The following SPTBN2 variants were observed in gnomAD, a reference collection of about 807,000 sequenced individuals.
SPTBN2 encodes the protein spectrin beta, non-erythrocytic 2.
In SPTBN2, 107 loss-of-function variants were observed where a neutral mutation model predicts 284.2. The observed-to-expected ratio is 0.38, with a 90% CI of 0.32 to 0.44. SPTBN2 has a LOEUF of 0.44. Among genes scored for constraint, SPTBN2 ranks in the 20% least tolerant of loss-of-function variants. The pLI is 1.00. For missense variants in SPTBN2, 2,569 were observed against 3,287.1 expected, an observed-to-expected ratio of 0.78 and a Z score of 5.34; for synonymous variants, 1,289 against 1,354.8, an observed-to-expected ratio of 0.95 and a Z score of 1.07.
In SPTBN2 at chr11:66,707,495, C is replaced by G; in HGVS notation, c.1653+21G>C. ...TCGACTCTTGATCACTCTTACCCCACCCAGCACGCCTCACTGGTACCTTCA... is the reference window on the plus strand; with the variant it reads ...TCGACTCTTGATCACTCTTACCCCAGCCAGCACGCCTCACTGGTACCTTCA... On this transcript the variant is annotated intron_variant, in intron 13 of 37. Transcript: ENST00000533211. The surrounding 1 kb of genome is among the most constrained non-coding windows in gnomAD (Gnocchi z 4.9). 1 of 1,582,300 alleles carries G rather than the reference C, an allele frequency of 6.3e-7. No homozygotes were observed. Among genetic ancestry groups the G allele is most frequent in the Non-Finnish European group, 8.6e-7 (1 of 1,164,604 alleles).
chr11:66,736,408 A>G (rs1054561485), intron 1 of SPTBN2, among the ~76,000 whole-genome samples: 1 of 152,182 alleles, frequency 6.6e-6, no homozygotes, highest in African/African-American at 2.4e-5. Context: ...TTAACTTGCA[A>G]ACCTAAATGC....
At position 66,715,209 on chromosome 11, in the gene SPTBN2, T is replaced by C; in HGVS notation, c.483+13A>G. 1 of 1,614,158 alleles carries C rather than the reference T, an allele frequency of 6.2e-7. No individual in the cohort carries two copies. The highest frequency in any genetic ancestry group is 1.1e-5 in the South Asian group (1 of 91,082). ...GCAGGAACCACACCCTGTGTGACAG[T>C]GTGCTGGGGTACCTGGAATCGAAGG... On this transcript the variant is annotated intron_variant, in intron 5 of 37. Transcript: ENST00000533211. This position sits in a 1 kb window ranked among gnomAD's most constrained non-coding sequence, Gnocchi z 5.3.
chr11:66,715,908 C>A lies in SPTBN2; in HGVS notation c.231G>T (p.Arg77=), dbSNP rs1169314235. The change falls in exon 4 of 38, where the codon CGG becomes CGT. Residue 77 remains arginine (R), a synonymous_variant. Transcript: ENST00000533211. This position sits in a 1 kb window ranked among gnomAD's most constrained non-coding sequence, Gnocchi z 5.3. ...GGAGGTCGCTGTACAGGTCCCCCAC[C>A]CGGCACGTGACCCGGGCCAGGTGCG... ...VNSHLARVTC[R]VGDLYSDLRD... 17 of 1,614,132 alleles carry A rather than the reference C, an allele frequency of 1.1e-5. No individual in the cohort carries two copies. The highest frequency in any genetic ancestry group is 1.4e-5 in the Non-Finnish European group (16 of 1,180,020).
rs1404469417 is a variant in SPTBN2 at position 66,688,856 on chromosome 11, G to A, written c.6035-7C>T. ...AACACAAGCACCTCCAAAACTGGCA[G>A]GATCGGGGGTTGCAGGAAGATGGTG... On this transcript the variant is annotated splice_region_variant and splice_polypyrimidine_tract_variant and intron_variant, in intron 30 of 37. Coordinates refer to ENST00000533211, the MANE Select transcript of SPTBN2 (RefSeq NM_006946.4). The A allele has an allele frequency of 1.2e-6, 2 of 1,611,172 alleles. No homozygotes were observed. Among genetic ancestry groups the A allele is most frequent in the Non-Finnish European group, 1.7e-6 (2 of 1,180,008 alleles).
intron 30 of SPTBN2, 54 bp downstream of exon 30, chr11:66,689,042 G>A: frequency 6.4e-7 from 1 of 1,555,964 alleles, no homozygotes; most frequent in Middle Eastern, 1.7e-4. Flanking sequence ...GAACCCACAG[G>A]GTGCAGGATG....
rs193281867 is a variant in SPTBN2, at chr11:66,725,612, G to T, written c.-114+3129C>A. Among the ~76,000 whole-genome samples, 39 of 152,290 alleles carry T rather than the reference G, an allele frequency of 2.6e-4. No homozygotes were observed. The East Asian group carries it at 5.2e-3, about 20-fold the overall frequency. On this transcript the variant is annotated intron_variant, in intron 1 of 37. Transcript: ENST00000533211. ...CACAGATTCCTGAAGTCTGGCAATA[G>T]GGTGGTGCAGTAGCTAATCCAGATT...
At chr11:66,723,222 T>C (rs1320275972) in intron 1 of SPTBN2, among the ~76,000 whole-genome samples, 3 of 151,946 alleles carry the variant, frequency 2.0e-5, no homozygotes, top group Non-Finnish European at 4.4e-5. Flanking sequence ...AAAAAACCTC[T>C]ACTGTCCAAA....
intron 3 of SPTBN2, among the ~76,000 whole-genome samples, chr11:66,719,066 C>A (rs901618928): frequency 6.6e-6 from 1 of 152,260 alleles, no homozygotes; most frequent in Non-Finnish European, 1.5e-5. Flanking sequence ...GAGGGCGACC[C>A]CTCTCTGGGT....
intron 1 of SPTBN2, among the ~76,000 whole-genome samples, chr11:66,742,914 T>C (rs1942907736): frequency 6.6e-6 from 1 of 152,112 alleles, no homozygotes; most frequent in Non-Finnish European, 1.5e-5. Flanking sequence ...CCGGCCACGA[T>C]GGGAAATATT....
intron 20 of SPTBN2, among the ~76,000 whole-genome samples, chr11:66,698,406 G>A (rs1034033832): frequency 3.9e-5 from 6 of 152,212 alleles, no homozygotes; most frequent in African/African-American, 1.4e-4. Context: ...TTAAATCCAG[G>A]CTGCAGTTTC....
Position 66,718,054 on chromosome 11 carries a change from C to G in SPTBN2, c.158-2073G>C, listed in dbSNP as rs966344233. Among the ~76,000 whole-genome samples the G allele has an allele frequency of 6.6e-6, 1 of 152,148 alleles. No homozygotes were observed. The highest frequency in any genetic ancestry group is 1.5e-5 in the Non-Finnish European group (1 of 68,032). ...GGGCCTGGCTCACCCCTCCGCCTCC[C>G]CTAACTGTCCTGGCCAGCGCTCCAC... On this transcript the variant is annotated intron_variant, in intron 3 of 37. Transcript: ENST00000533211. This position sits in a 1 kb window ranked among gnomAD's most constrained non-coding sequence, Gnocchi z 4.8.
rs1363400447 is a variant in SPTBN2 at position 66,704,690 on chromosome 11, C to G, written c.2586G>C (p.Gly862=). The change falls in exon 15 of 38, where the codon GGG becomes GGC. Residue 862 remains glycine, a synonymous_variant. Coordinates refer to ENST00000533211, the MANE Select transcript of SPTBN2 (RefSeq NM_006946.4). ...LALYTMLSEA[G]ACGLWVEEKE... ...TCTCCTCCACCCAGAGTCCACAGGC[C>G]CCGGCCTCGCTGAGCATGGTGTAGA... The G allele has an allele frequency of 1.2e-6, 2 of 1,609,086 alleles. No homozygotes were observed. Among genetic ancestry groups the G allele is most frequent in the Admixed American group, 3.4e-5 (2 of 59,496 alleles).
At position 66,684,280 on chromosome 11, in the gene SPTBN2, G is replaced by A. The variant is rs188774999; in HGVS notation, c.*1591C>T. Among the ~76,000 whole-genome samples the A allele has an allele frequency of 3.3e-5, 5 of 152,250 alleles. No homozygotes were observed. The highest frequency in any genetic ancestry group is 2.6e-4 in the Admixed American group (4 of 15,294). On this transcript the variant is annotated 3_prime_UTR_variant, in exon 38 of 38. Coordinates refer to ENST00000533211, the MANE Select transcript of SPTBN2 (RefSeq NM_006946.4). ...ACAAACACTGTGCCCTGAAAGCTCCGATTGCCAAACCAGAGACAAAGGAGA... is the reference window on the plus strand; with the variant it reads ...ACAAACACTGTGCCCTGAAAGCTCCAATTGCCAAACCAGAGACAAAGGAGA...
intron 13 of SPTBN2, 64 bp from the exon 14 acceptor site, chr11:66,705,901 T>C: frequency 6.4e-7 from 1 of 1,574,652 alleles, no homozygotes; most frequent in Non-Finnish European, 8.6e-7. Flanking sequence ...TGGCTGCGTT[T>C]TTCTTCCAAC....
chr11:66,700,622 T>G lies in SPTBN2; in HGVS notation c.3477A>C (p.Arg1159=). 2 of 1,608,174 alleles carry G rather than the reference T, an allele frequency of 1.2e-6. No homozygotes were observed. Among genetic ancestry groups the G allele is most frequent in the Non-Finnish European group, 1.7e-6 (2 of 1,179,976 alleles). Residue 1159 remains arginine (R), a synonymous_variant, in exon 17 of 38, where the codon CGA becomes CGC. Coordinates refer to ENST00000533211, the MANE Select transcript of SPTBN2 (RefSeq NM_006946.4). The surrounding 1 kb of genome is among the most constrained non-coding windows in gnomAD (Gnocchi z 6.6). ...GGCGACCTTGCCGGCTCTCCCACAT[T>G]CGGCCCAGCTCCTCCCAGCCAGTTC... ...ALGTGWEELG[R]MWESRQGRLA... is the part of the protein sequence containing the mutation.
At chr11:66,699,273 A>G (rs1941109154) in intron 18 of SPTBN2, 133 bp downstream of exon 18, 1 of 1,289,344 alleles carries the variant, frequency 7.8e-7, no homozygotes, top group Admixed American at 2.0e-5. Flanking sequence ...CCAACCACTT[A>G]GTTCTTCCCC....
intron 1 of SPTBN2, among the ~76,000 whole-genome samples, chr11:66,740,782 G>A (rs891880013): frequency 2.6e-5 from 4 of 152,142 alleles, no homozygotes; most frequent in African/African-American, 9.7e-5. Flanking sequence ...ACTTCCTTTT[G>A]CATCAGCTTG....
chr11:66,686,383 CGAA>C lies in SPTBN2; in HGVS notation c.6939+12_6939+14del. 6.2e-7 allele frequency: 1 copy of C among 1,614,124 alleles called. No homozygotes were observed. ...GGAATGGCACGGACAGAGAGGAACA[CGAA>C]GGACAGCTCACCTCATCCTTGGCCT... On this transcript the variant is annotated intron_variant, in intron 37 of 37. Coordinates refer to ENST00000533211, the MANE Select transcript of SPTBN2 (RefSeq NM_006946.4).
At chr11:66,728,286 G>A (rs1216329472) in intron 1 of SPTBN2, 1 of 145,574 alleles carries the variant, frequency 6.9e-6, no homozygotes, top group Non-Finnish European at 1.5e-5. Context: ...GGCGGGCGGC[G>A]GGCGGGCGCT....
Sources: allele counts gnomAD v4.1 joint callset (sites outside exome capture counted in the v4.1 genomes callset), GRCh38; gene constraint gnomAD v4.1.1; non-coding constraint Gnocchi (gnomAD v3.1); transcripts MANE v1.5; gene names NCBI Gene and HGNC (gene_info 2026-07-23, HGNC 2026-07-21).